CCDC180: variants seen among roughly 807,000 people sequenced by gnomAD.
The protein encoded by CCDC180 is coiled-coil domain-containing protein 180.
In CCDC180, 154 loss-of-function variants were observed where a neutral mutation model predicts 209.2. The observed-to-expected ratio is 0.74, with a 90% CI of 0.65 to 0.84. The LOEUF (loss-of-function observed/expected upper bound fraction) is 0.84. Among genes scored for constraint, CCDC180 ranks in the 40% least tolerant of loss-of-function variants. The probability of loss-of-function intolerance (pLI) is 0.00; values close to 1 mark genes in which losing one functional copy is unlikely to be tolerated. For missense variants in CCDC180, 1,874 were observed against 1,997.3 expected, an observed-to-expected ratio of 0.94 and a Z score of 1.18; for synonymous variants, 778 against 749.1, an observed-to-expected ratio of 1.04 and a Z score of -0.63.
chr9:97,330,824 G>A, intron 18 of CCDC180, 57 bp downstream of exon 18: 1 of 1,515,356 alleles, frequency 6.6e-7, no homozygotes, highest in Non-Finnish European at 8.9e-7. Flanking sequence ...TGCTCATTTT[G>A]TGTTTATCCC....
At chr9:97,319,636 A>G (rs1007542405) in intron 10 of CCDC180, among the ~76,000 whole-genome samples, 1 of 152,224 alleles carries the variant, frequency 6.6e-6, no homozygotes. Context: ...AGCTCCATCC[A>G]TGCTGCTGCG....
chr9:97,352,230 A>G (rs936898347), intron 22 of CCDC180, among the ~76,000 whole-genome samples: 1 of 152,226 alleles, frequency 6.6e-6, no homozygotes, highest in African/African-American at 2.4e-5. Context: ...TTGAAACTCA[A>G]ACAAAGACCA....
intron 21 of CCDC180, 66 bp from the exon 22 acceptor site, chr9:97,350,343 C>G: frequency 6.8e-7 from 1 of 1,480,444 alleles, no homozygotes; most frequent in Non-Finnish European, 9.1e-7. Flanking sequence ...CCATCACCAC[C>G]TGCCCCTCCC....
intron 11 of CCDC180, 39 bp downstream of exon 11, chr9:97,320,244 G>C: frequency 6.4e-7 from 1 of 1,572,090 alleles, no homozygotes; most frequent in Non-Finnish European, 8.8e-7. Context: ...CATTTCTCCA[G>C]AACTGTTTAA....
intron 28 of CCDC180, among the ~76,000 whole-genome samples, 173 bp downstream of exon 28, chr9:97,362,614 T>A (rs1303748272): frequency 6.6e-6 from 1 of 151,868 alleles, no homozygotes; most frequent in Non-Finnish European, 1.5e-5. Context: ...TTGCTGGTTG[T>A]CCATGGTGCT....
At chr9:97,308,169 C>G in intron 2 of CCDC180, 37 bp downstream of exon 2, 2 of 1,514,422 alleles carry the variant, frequency 1.3e-6, no homozygotes, top group Non-Finnish European at 1.8e-6. Flanking sequence ...TCTCCATCCC[C>G]CTTCCCTTGC....
At position 97,360,027 on chromosome 9, in the gene CCDC180, G is replaced by A; in HGVS notation, c.3409G>A (p.Glu1137Lys). 1 of 1,614,030 alleles carries A rather than the reference G, an allele frequency of 6.2e-7. No individual in the cohort carries two copies. Among genetic ancestry groups the A allele is most frequent in the South Asian group, 1.1e-5 (1 of 91,074 alleles). ...ELLSFVQTWKEKLSQRIQYLN... is the reference protein window; with the variant it reads ...ELLSFVQTWKKKLSQRIQYLN... The stretch of plus-strand genomic sequence containing the variant: ...CCTCAGCTTCGTCCAAACTTGGAAG[G>A]AAAAACTGAGCCAGAGGATTCAGTA... The change falls in exon 26 of 37, where the codon GAA becomes AAA. Residue 1137 changes from glutamate to lysine, a missense_variant. Physicochemically the swap from Glu to Lys is moderately conservative, Grantham distance 56. Coordinates refer to ENST00000529487, the MANE Select transcript of CCDC180 (RefSeq NM_020893.6).
Position 97,330,609 on chromosome 9 carries a change from C to G in CCDC180, c.2116C>G (p.Pro706Ala). ...GGTTGAAAGAGAGGGCTCCTTAAAC[C>G]CATCCCTGAATGAGGAGAATGTGAA... ...MQVEREGSLNPSLNEENVKGQ... is the reference protein window; with the variant it reads ...MQVEREGSLNASLNEENVKGQ... The change falls in exon 18 of 37, where the codon CCA (proline) becomes GCA (alanine). Residue 706 changes from proline (P) to alanine (A), a missense_variant. Physicochemically the swap from Pro to Ala is conservative, Grantham distance 27. Coordinates refer to ENST00000529487, the MANE Select transcript of CCDC180 (RefSeq NM_020893.6). 3 of 1,613,710 alleles carry G rather than the reference C, an allele frequency of 1.9e-6. No homozygotes were observed. The highest frequency in any genetic ancestry group is 1.7e-6 in the Non-Finnish European group (2 of 1,179,932).
In CCDC180 at chr9:97,317,057, G is replaced by T; in HGVS notation, c.796-8G>T. ...CCTGTCTAGAGCCCTGCCCATCTGT[G>T]ACCACAGGTCATGAACTATGCCCTG... On this transcript the variant is annotated splice_region_variant and splice_polypyrimidine_tract_variant and intron_variant, in intron 8 of 36. Transcript: ENST00000529487. 1.2e-6 allele frequency: 2 copies of T among 1,604,920 alleles called. No individual in the cohort carries two copies. Among genetic ancestry groups the T allele is most frequent in the South Asian group, 2.2e-5 (2 of 90,250 alleles).
In CCDC180 at chr9:97,375,465, G is replaced by A. The variant is rs533066580; in HGVS notation, c.4718G>A (p.Gly1573Glu). Residue 1573 changes from glycine (G) to glutamate (E), a missense_variant, in exon 36 of 37, where the codon GGG becomes GAG. By Grantham distance (98) the Gly-to-Glu change is moderately conservative. Transcript: ENST00000529487. The part of the protein sequence containing the change: ...LIERGSRKWP[G>E]IKPTEVTIQN... ...ATGTTTGTTTGTAGGAAGTGGCCAG[G>A]GATCAAACCCACCGAAGTCACCATC... The A allele has an allele frequency of 1.9e-6, 3 of 1,614,146 alleles. No individual in the cohort carries two copies. Among genetic ancestry groups the A allele is most frequent in the Middle Eastern group, 1.6e-4 (1 of 6,062 alleles).
chr9:97,377,641 G>A lies in CCDC180; in HGVS notation c.*747G>A, dbSNP rs971551126. On this transcript the variant is annotated 3_prime_UTR_variant, in exon 37 of 37. Coordinates refer to ENST00000529487, the MANE Select transcript of CCDC180 (RefSeq NM_020893.6). ...CCTCCAAGTGCAGTTCCCTCACCTGGGGACACTCACTCTGCTCTCCTGGTT... is the reference window on the plus strand; with the variant it reads ...CCTCCAAGTGCAGTTCCCTCACCTGAGGACACTCACTCTGCTCTCCTGGTT... The A allele has an allele frequency of 1.3e-5, 2 of 152,168 alleles. No individual in the cohort carries two copies. The highest frequency in any genetic ancestry group is 4.8e-5 in the African/African-American group (2 of 41,384). 9.4% of individuals were successfully genotyped at this position (152,168 alleles called of 1,614,324 possible). A position where few individuals can be genotyped will look rare whatever the true frequency, so the allele number is the denominator to read the frequency against.
chr9:97,371,649 G>A lies in CCDC180; in HGVS notation c.4543G>A (p.Glu1515Lys), dbSNP rs116829121. The change falls in exon 34 of 37, where the codon GAG (glutamate) becomes AAG (lysine). Residue 1515 changes from glutamate to lysine, a missense_variant. Transcript: ENST00000529487. ...CATAACCAACTTGGCCACCTTCACC[G>A]AGAAGTTCCTACTGCAGTTGGATGA... Reference protein sequence around the residue: ...VFITNLATFTEKFLLQLDEVV... With the variant: ...VFITNLATFTKKFLLQLDEVV... The A allele has an allele frequency of 5.1e-4, 818 of 1,608,890 alleles. 3 individuals are homozygous for A. In the African/African-American group the frequency reaches 9.6e-3, roughly 19 times the overall value.
In CCDC180 at chr9:97,317,195, C is replaced by T. The variant is rs1833205199; in HGVS notation, c.926C>T (p.Ala309Val). 1 of 1,607,754 alleles carries T rather than the reference C, an allele frequency of 6.2e-7. No homozygotes were observed. Among genetic ancestry groups the T allele is most frequent in the Non-Finnish European group, 8.5e-7 (1 of 1,175,366 alleles). Residue 309 changes from alanine to valine, a missense_variant, in exon 9 of 37, where the codon GCT becomes GTT. Coordinates refer to ENST00000529487, the MANE Select transcript of CCDC180 (RefSeq NM_020893.6). ...CAAGGCTTGGTGGACACCTGGAAGG[C>T]TCTCAAGAAGGAGGCCCTGCTGCAG... Reference protein sequence around the residue: ...RWQGLVDTWKALKKEALLQSF... With the variant: ...RWQGLVDTWKVLKKEALLQSF...
chr9:97,308,877 T>A (rs954946265), intron 2 of CCDC180, among the ~76,000 whole-genome samples: 3 of 152,218 alleles, frequency 2.0e-5, no homozygotes, highest in Non-Finnish European at 4.4e-5. Flanking sequence ...ATGGCATACT[T>A]CCCCCAGGGC....
At chr9:97,371,869 G>A in intron 34 of CCDC180, 163 bp downstream of exon 34, 1 of 473,478 alleles carries the variant, frequency 2.1e-6, no homozygotes. Context: ...TGATTAAAAA[G>A]CAAATGCCAG....
intron 20 of CCDC180, among the ~76,000 whole-genome samples, chr9:97,347,922 C>T (rs1359471226): frequency 6.6e-6 from 1 of 152,166 alleles, no homozygotes. Context: ...TGACTCCTCT[C>T]TCACCTGCAG....
At chr9:97,336,300 A>G (rs1825901953) in intron 18 of CCDC180, among the ~76,000 whole-genome samples, 1 of 152,150 alleles carries the variant, frequency 6.6e-6, no homozygotes, top group South Asian at 2.1e-4. Context: ...TTTTAGGTCT[A>G]ACATTTAAGT....
intron 2 of CCDC180, among the ~76,000 whole-genome samples, chr9:97,308,461 C>T (rs1046952350): frequency 1.3e-5 from 2 of 152,200 alleles, no homozygotes; most frequent in Non-Finnish European, 2.9e-5. Flanking sequence ...TCATTCTGTA[C>T]TAGTGTTTTG....
intron 3 of CCDC180, among the ~76,000 whole-genome samples, chr9:97,311,456 C>T (rs1158405361): frequency 6.6e-6 from 1 of 152,148 alleles, no homozygotes; most frequent in South Asian, 2.1e-4. Context: ...CTGGGAGCTG[C>T]GGGATTTCTA....
Sources: gnomAD v4.1 joint callset for allele counts (sites outside exome capture counted in the v4.1 genomes callset) on GRCh38, gnomAD v4.1.1 for gene constraint, MANE v1.5 for transcripts, NCBI Gene and HGNC (gene_info 2026-07-23, HGNC 2026-07-21) for gene names.